The following PSMC2 variants were observed in gnomAD, a reference collection of about 807,000 sequenced individuals.
PSMC2 encodes proteasome 26S subunit, ATPase 2, also known as 26S proteasome regulatory subunit 7.
A neutral mutation model predicts 53.3 loss-of-function variants in PSMC2; 7 were observed. That is an observed-to-expected ratio of 0.13 (90% CI 0.07 to 0.25). The LOEUF is 0.25. Ranked by LOEUF, PSMC2 falls within the 10% of genes least tolerant of loss-of-function variation. The probability of loss-of-function intolerance (pLI) is 1.00; values close to 1 mark genes in which losing one functional copy is unlikely to be tolerated. For missense variants in PSMC2, 241 were observed against 544.0 expected (o/e 0.44, Z 5.54); for synonymous variants, 169 against 183.9 (o/e 0.92, Z 0.66).
In PSMC2 at chr7:103,368,597, G is replaced by GCTT. The variant is rs1338680926; in HGVS notation, c.*544_*546dup. The GCTT allele has an allele frequency of 6.6e-6, 1 of 152,114 alleles. No homozygotes were observed. Among genetic ancestry groups the GCTT allele is most frequent in the African/African-American group, 2.4e-5 (1 of 41,414 alleles). The allele number at this position is 152,114 out of a possible 1,614,324, so 9.4% of individuals were successfully genotyped here. Reference sequence around the variant, plus strand: ...TTGAATAATAAAAGCTTTGGCCAAAGCTTTTTTAAAGTAGGAGAAACATTG... The same window carrying GCTT: ...TTGAATAATAAAAGCTTTGGCCAAAGCTTCTTTTTTAAAGTAGGAGAAACATTG... On this transcript the variant is annotated 3_prime_UTR_variant, in exon 12 of 12. Coordinates refer to ENST00000292644, the MANE Select transcript of PSMC2 (RefSeq NM_002803.4).
Position 103,367,639 on chromosome 7 carries a change from GA to G in PSMC2, c.1047+27del, listed in dbSNP as rs747103412. On this transcript the variant is annotated intron_variant, in intron 10 of 11. Transcript: ENST00000292644. The surrounding 1 kb of genome is among the most constrained non-coding windows in gnomAD (Gnocchi z 6.1). ...AGGTAAGAAAACCATTTCATTTTAG[GA>G]AAGGGATTTTTGAAGTTTTTTCTTC... 2.7e-5 allele frequency: 44 copies of G among 1,609,992 alleles called. 1 individual carries two copies. In the South Asian group the frequency reaches 4.9e-4, roughly 18 times the overall value.
Position 103,362,748 on chromosome 7 carries a change from C to T in PSMC2, c.485C>T (p.Thr162Ile). ...PLPPKIDPTV[T>I]MMQVEEKPDV... ...CCTCCTAAGATTGACCCAACAGTTA[C>T]CATGATGCAGGTAAGAAACTATGGG... Residue 162 changes from threonine to isoleucine, a missense_variant, in exon 6 of 12, where the codon ACC (threonine) becomes ATC (isoleucine). Thr to Ile is a moderately conservative substitution (Grantham distance 89). This residue lies in a region of PSMC2 where 75 missense variants were observed against 185.1 expected (regional missense o/e 0.41). Transcript: ENST00000292644. 1 of 1,590,110 alleles carries T rather than the reference C, an allele frequency of 6.3e-7. No homozygotes were observed. The highest frequency in any genetic ancestry group is 8.6e-7 in the Non-Finnish European group (1 of 1,159,358).
intron 6 of PSMC2, 55 bp from the exon 7 acceptor site, chr7:103,363,289 G>C: frequency 7.2e-7 from 1 of 1,395,476 alleles, no homozygotes; most frequent in Non-Finnish European, 1.0e-6. Context: ...ATTGAATTTG[G>C]ACAGTATCCA....
chr7:103,359,006 C>T (rs1820205616), intron 4 of PSMC2, among the ~76,000 whole-genome samples: 1 of 148,836 alleles, frequency 6.7e-6, no homozygotes, highest in Non-Finnish European at 1.5e-5. Flanking sequence ...TTTTTTGAGA[C>T]AAGGTCTCAC....
chr7:103,359,985 G>A (rs570533723), intron 4 of PSMC2, among the ~76,000 whole-genome samples: 57 of 152,004 alleles, frequency 3.7e-4, no homozygotes, highest in South Asian at 2.5e-3. Context: ...GGAGGCTGAC[G>A]CAGGAGAATT....
chr7:103,362,435 C>T lies in PSMC2; in HGVS notation c.423-251C>T, dbSNP rs940777835. ...TGTCTATAGAATACATAACAACTCA[C>T]TTAGTAAATTAAAAAAAAATCTCCC... On this transcript the variant is annotated intron_variant, in intron 5 of 11. Coordinates refer to ENST00000292644, the MANE Select transcript of PSMC2 (RefSeq NM_002803.4). 13 of 1,355,844 alleles carry T rather than the reference C, an allele frequency of 9.6e-6. No homozygotes were observed. The South Asian group carries it at 1.0e-4, about 10-fold the overall frequency. The allele number at this position is 1,355,844 out of a possible 1,614,324, so 84.0% of individuals were successfully genotyped here. A position where few individuals can be genotyped will look rare whatever the true frequency, so the allele number is the denominator to read the frequency against.
chr7:103,364,372 A>G, intron 8 of PSMC2, 65 bp downstream of exon 8: 1 of 1,568,338 alleles, frequency 6.4e-7, no homozygotes, highest in Non-Finnish European at 8.7e-7. Context: ...ATGAAATTAA[A>G]AATGGCACTT....
intron 4 of PSMC2, among the ~76,000 whole-genome samples, chr7:103,358,432 AT>A (rs1275853812): frequency 2.6e-5 from 4 of 151,968 alleles, no homozygotes; most frequent in Admixed American, 6.6e-5. Context: ...TTATTCCTGA[AT>A]TCTCTTATTT....
At chr7:103,362,346 A>G in intron 5 of PSMC2, 1 of 1,359,602 alleles carries the variant, frequency 7.4e-7, no homozygotes, top group Non-Finnish European at 9.4e-7. Context: ...AGTCCATTTA[A>G]GGTAACATGG....
At chr7:103,359,750 C>A (rs527925059) in intron 4 of PSMC2, among the ~76,000 whole-genome samples, 3 of 152,054 alleles carry the variant, frequency 2.0e-5, no homozygotes, top group Non-Finnish European at 4.4e-5. Context: ...ATATGGTTTC[C>A]TTTAGCTTTT....
chr7:103,351,513 C>T (rs527831095), intron 1 of PSMC2, among the ~76,000 whole-genome samples: 2 of 152,268 alleles, frequency 1.3e-5, no homozygotes, highest in South Asian at 2.1e-4. Context: ...CTAGAACATA[C>T]CAAAATTCTA....
chr7:103,360,602 CG>C (rs1820326645), intron 4 of PSMC2, among the ~76,000 whole-genome samples: 1 of 152,172 alleles, frequency 6.6e-6, no homozygotes, highest in South Asian at 2.1e-4. Context: ...TACCTATGTG[CG>C]CACTCCACAG....
intron 1 of PSMC2, among the ~76,000 whole-genome samples, chr7:103,349,778 C>A (rs1819688594): frequency 6.6e-6 from 1 of 152,172 alleles, no homozygotes; most frequent in Non-Finnish European, 1.5e-5. Context: ...TTTAAGCTTT[C>A]CGATCTCAAC....
At chr7:103,366,205 C>A in intron 9 of PSMC2, 42 bp downstream of exon 9, 1 of 1,519,748 alleles carries the variant, frequency 6.6e-7, no homozygotes, top group Non-Finnish European at 9.1e-7. Context: ...GATTCAGTTT[C>A]ATGAAAGCTG....
chr7:103,359,057 C>T (rs191351725), intron 4 of PSMC2, among the ~76,000 whole-genome samples: 1 of 146,034 alleles, frequency 6.8e-6, no homozygotes, highest in African/African-American at 2.5e-5. Context: ...GATCTCAGCT[C>T]GCTGCAGCCT....
intron 1 of PSMC2, chr7:103,352,738 AT>A (rs1191662340): frequency 1.4e-6 from 1 of 733,422 alleles, no homozygotes; most frequent in Admixed American, 1.9e-5. Context: ...TGGTAGATTC[AT>A]TTTTTCTTTA....
chr7:103,362,377 G>A (rs1820461708), intron 5 of PSMC2: 1 of 1,339,022 alleles, frequency 7.5e-7, no homozygotes, highest in African/African-American at 1.5e-5. Context: ...GGGAGTACTT[G>A]CTTTAGGATA....
chr7:103,367,402 T>C lies in PSMC2; in HGVS notation c.845-11T>C. ...GACTTGAAGAGCTTATCTTTCCTTT[T>C]GTCTTCTCAGGGGCTCGTTTTGATG... On this transcript the variant is annotated splice_polypyrimidine_tract_variant and intron_variant, in intron 9 of 11. Transcript: ENST00000292644. This position sits in a 1 kb window ranked among gnomAD's most constrained non-coding sequence, Gnocchi z 6.1. 6.2e-7 allele frequency: 1 copy of C among 1,612,978 alleles called. No individual in the cohort carries two copies. The highest frequency in any genetic ancestry group is 8.5e-7 in the Non-Finnish European group (1 of 1,179,790).
chr7:103,365,654 G>A lies in PSMC2; in HGVS notation c.757-422G>A, dbSNP rs549407087. On this transcript the variant is annotated intron_variant, in intron 8 of 11. Coordinates refer to ENST00000292644, the MANE Select transcript of PSMC2 (RefSeq NM_002803.4). ...CAAAAAATAAAATTAAAATAGCTGC[G>A]CGCAGTGGCTCACGTCTGTAATCCC... Among the ~76,000 whole-genome samples the A allele has an allele frequency of 7.0e-4, 107 of 152,032 alleles. 1 individual carries two copies. Among genetic ancestry groups the A allele is most frequent in the African/African-American group, 2.3e-3 (96 of 41,484 alleles).
Sources: gnomAD v4.1 joint callset for allele counts (sites outside exome capture counted in the v4.1 genomes callset) on GRCh38, gnomAD v4.1.1 for gene constraint, gnomAD v4.1.1 regional missense constraint, Gnocchi (gnomAD v3.1) non-coding constraint, MANE v1.5 for transcripts, NCBI Gene and HGNC (gene_info 2026-07-23, HGNC 2026-07-21) for gene names.